CASK: variants seen among roughly 807,000 people sequenced by gnomAD.
CASK encodes the protein calcium/calmodulin dependent serine protein kinase.
Under a neutral mutation model 82.9 loss-of-function variants are expected in CASK, and 4 were observed. That is an observed-to-expected ratio of 0.05 (90% CI 0.02 to 0.11). The LOEUF is 0.11. CASK is among the 10% of genes least tolerant of loss of function. CASK has a pLI of 1.00. For missense variants in CASK, 358 were observed against 720.9 expected (o/e 0.50, Z 5.76); for synonymous variants, 259 against 253.5 (o/e 1.02, Z -0.20).
chrX:41,746,371 C>T (rs1037947245), intron 3 of CASK, among the ~76,000 whole-genome samples: 3 of 110,832 alleles, frequency 2.7e-5, no homozygotes, highest in African/African-American at 9.9e-5. Flanking sequence ...CAAAACCTAC[C>T]TTAATTCAAG....
At chrX:41,912,056 G>A (rs1308492111) in intron 1 of CASK, among the ~76,000 whole-genome samples, 5 of 80,801 alleles carry the variant, frequency 6.2e-5, no homozygotes, top group Non-Finnish European at 1.2e-4. Context: ...AACAGGCCCC[G>A]GTGTGTGATG....
chrX:41,831,164 T>C (rs2070802192), intron 2 of CASK, among the ~76,000 whole-genome samples: 1 of 110,770 alleles, frequency 9.0e-6, no homozygotes, highest in Admixed American at 9.6e-5. Flanking sequence ...CTACCTTCAC[T>C]TCACACACAT....
intron 5 of CASK, among the ~76,000 whole-genome samples, chrX:41,731,490 G>T (rs1390738565): frequency 8.9e-6 from 1 of 112,028 alleles, no homozygotes; most frequent in Non-Finnish European, 1.9e-5. Flanking sequence ...TCACTTTACA[G>T]CTCTACCACT....
At chrX:41,717,053 G>A (rs2068073723) in intron 5 of CASK, among the ~76,000 whole-genome samples, 1 of 109,803 alleles carries the variant, frequency 9.1e-6, no homozygotes, top group Non-Finnish European at 1.9e-5. Context: ...TGCCATAACA[G>A]CTCTTACCCC....
chrX:41,907,823 G>C lies in CASK; in HGVS notation c.59+15107C>G, dbSNP rs185952035. On this transcript the variant is annotated intron_variant, in intron 1 of 26. Coordinates refer to ENST00000378163, the MANE Select transcript of CASK (RefSeq NM_001367721.1). Reference sequence around the variant, plus strand: ...AATTTTTCCATGGACGATGGGGACCGGGGTGGGGGTAGGGGGTTCGGGATG... The same window carrying C: ...AATTTTTCCATGGACGATGGGGACCCGGGTGGGGGTAGGGGGTTCGGGATG... Among the ~76,000 whole-genome samples the C allele has an allele frequency of 1.4e-4, 16 of 111,277 alleles. No individual in the cohort carries two copies. The East Asian group carries it at 4.5e-3, about 31-fold the overall frequency.
chrX:41,917,103 T>A (rs2072706459), intron 1 of CASK, among the ~76,000 whole-genome samples: 1 of 112,532 alleles, frequency 8.9e-6, no homozygotes, highest in Non-Finnish European at 1.9e-5. Context: ...ATAGAAACTC[T>A]GAAAATGAAG....
intron 16 of CASK, among the ~76,000 whole-genome samples, chrX:41,564,343 T>C (rs1357730470): frequency 8.9e-6 from 1 of 112,284 alleles, no homozygotes; most frequent in African/African-American, 3.2e-5. Flanking sequence ...TGAAGAAATA[T>C]TGGAAAGGTT....
chrX:41,587,202 A>G, intron 13 of CASK: 1 of 344,650 alleles, frequency 2.9e-6, no homozygotes, highest in South Asian at 5.2e-5. Flanking sequence ...TCTGTCAACT[A>G]TAACCTAAAA....
At chrX:41,545,997 A>T (rs755874454) in intron 21 of CASK, among the ~76,000 whole-genome samples, 5 of 109,080 alleles carry the variant, frequency 4.6e-5, no homozygotes, top group Admixed American at 2.0e-4. Context: ...CTTGAGACAG[A>T]GTGTCGCTCT....
At chrX:41,690,964 C>T (rs940593426) in intron 5 of CASK, among the ~76,000 whole-genome samples, 5 of 111,573 alleles carry the variant, frequency 4.5e-5, no homozygotes, top group Non-Finnish European at 7.5e-5. Flanking sequence ...TGAACCATGG[C>T]GCTCAGCTGT....
chrX:41,648,889 C>T (rs1273568272), intron 8 of CASK, among the ~76,000 whole-genome samples: 5 of 111,305 alleles, frequency 4.5e-5, no homozygotes, highest in Admixed American at 3.8e-4. Context: ...TGGTCCTGGA[C>T]TTTTTTGCTT....
chrX:41,627,149 G>T (rs2066391728), intron 9 of CASK, among the ~76,000 whole-genome samples: 1 of 112,040 alleles, frequency 8.9e-6, no homozygotes, highest in African/African-American at 3.2e-5. Context: ...TTATCTCTGG[G>T]TGGTAGGATT....
chrX:41,692,866 T>G (rs748167966), intron 5 of CASK, among the ~76,000 whole-genome samples: 5 of 112,359 alleles, frequency 4.5e-5, no homozygotes, highest in African/African-American at 1.6e-4. Flanking sequence ...GATAGAGCAA[T>G]TGCAATTGTG....
rs750316087 is a variant in CASK at position 41,552,147 on chromosome X, G to C, written c.2039+1572C>G. On this transcript the variant is annotated intron_variant, in intron 21 of 26. Coordinates refer to ENST00000378163, the MANE Select transcript of CASK (RefSeq NM_001367721.1). ...AGACAGGGTTTTACCATGTTGGTCA[G>C]GCTAGCTTCGAACTCCTGACCTCAA... Among the ~76,000 whole-genome samples, 7 of 106,959 alleles carry C rather than the reference G, an allele frequency of 6.5e-5. No homozygotes were observed. In the South Asian group the frequency reaches 1.7e-3, roughly 26 times the overall value. 92.9% of individuals were successfully genotyped at this position (106,959 alleles called of 115,157 possible).
At chrX:41,875,654 T>TA (rs2071800178) in intron 1 of CASK, among the ~76,000 whole-genome samples, 2 of 108,579 alleles carry the variant, frequency 1.8e-5, no homozygotes. Context: ...AATGCTTCTT[T>TA]AAAAAAGCTA....
intron 13 of CASK, among the ~76,000 whole-genome samples, chrX:41,588,884 T>C (rs1264360233): frequency 9.0e-6 from 1 of 111,523 alleles, no homozygotes; most frequent in Non-Finnish European, 1.9e-5. Flanking sequence ...GCTTATTATA[T>C]AACGGTAGGT....
intron 1 of CASK, among the ~76,000 whole-genome samples, chrX:41,862,716 T>C (rs1569471772): frequency 9.1e-6 from 1 of 110,457 alleles, no homozygotes; most frequent in African/African-American, 3.3e-5. Context: ...CAGGAAGTTA[T>C]TGCATTAGCC....
rs748846836 is a variant in CASK, at chrX:41,822,861, T to C, written c.172+30254A>G. Among the ~76,000 whole-genome samples, 5 of 110,246 alleles carry C rather than the reference T, an allele frequency of 4.5e-5. No individual in the cohort carries two copies. In the East Asian group the frequency reaches 1.4e-3, roughly 32 times the overall value. Reference sequence around the variant, plus strand: ...TCTCTTGCTATTACTATTACTTTCATCTCTCTTGATTCCTTTGTCCATCAT... The same window carrying C: ...TCTCTTGCTATTACTATTACTTTCACCTCTCTTGATTCCTTTGTCCATCAT... On this transcript the variant is annotated intron_variant, in intron 2 of 26. Transcript: ENST00000378163.
At chrX:41,853,672 C>T (rs1361029444) in intron 1 of CASK, among the ~76,000 whole-genome samples, 1 of 111,602 alleles carries the variant, frequency 9.0e-6, no homozygotes, top group African/African-American at 3.3e-5. Context: ...TCATCACTAA[C>T]AAATCCTACT....
Sources: allele counts gnomAD v4.1 joint callset (sites outside exome capture counted in the v4.1 genomes callset), GRCh38; gene constraint gnomAD v4.1.1; transcripts MANE v1.5; gene names NCBI Gene and HGNC (gene_info 2026-07-23, HGNC 2026-07-21).